MGAT4C: variants seen among roughly 807,000 people sequenced by gnomAD.
The protein encoded by MGAT4C is MGAT4 family member C, also known as alpha-1,3-mannosyl-glycoprotein 4-beta-N-acetylglucosaminyltransferase C.
A neutral mutation model predicts 40.1 loss-of-function variants in MGAT4C; 19 were observed. That is an observed-to-expected ratio of 0.47 (90% CI 0.33 to 0.70). The LOEUF (loss-of-function observed/expected upper bound fraction) is 0.70, where lower values mean the gene tolerates loss of function less well. MGAT4C is among the 30% of genes least tolerant of loss of function. The probability of loss-of-function intolerance (pLI) is 0.02; values close to 1 mark genes in which losing one functional copy is unlikely to be tolerated. For synonymous variants in MGAT4C, 181 were observed against 187.1 expected (o/e 0.97, Z 0.27); for missense variants, 491 against 563.2 (o/e 0.87, Z 1.30).
chr12:86,099,540 A>G (rs1414596533), intron 1 of MGAT4C, among the ~76,000 whole-genome samples: 1 of 151,490 alleles, frequency 6.6e-6, no homozygotes, highest in African/African-American at 2.4e-5. Context: ...AAAGTGAGCA[A>G]AGGATATAAA....
At chr12:86,543,007 C>T (rs915321196) in intron 2 of MGAT4C, among the ~76,000 whole-genome samples, 2 of 152,006 alleles carry the variant, frequency 1.3e-5, no homozygotes, top group African/African-American at 2.4e-5. Flanking sequence ...TTAATATATT[C>T]CTAAGTCTAA....
intron 2 of MGAT4C, among the ~76,000 whole-genome samples, chr12:86,726,566 C>G (rs929454033): frequency 6.6e-6 from 1 of 152,144 alleles, no homozygotes; most frequent in Non-Finnish European, 1.5e-5. Flanking sequence ...TTTTGCCATA[C>G]GTTCTAGTAA....
chr12:86,501,889 T>G (rs896088387), intron 2 of MGAT4C, among the ~76,000 whole-genome samples: 5 of 152,116 alleles, frequency 3.3e-5, no homozygotes, highest in African/African-American at 4.8e-5. Flanking sequence ...ATATTTCTAT[T>G]TCTAAATCTT....
intron 1 of MGAT4C, among the ~76,000 whole-genome samples, chr12:86,816,144 A>T (rs1374258228): frequency 6.6e-6 from 1 of 151,952 alleles, no homozygotes; most frequent in Non-Finnish European, 1.5e-5. Context: ...TTAAGATTGT[A>T]TGATGAAACA....
chr12:86,742,991 GTGTA>G (rs1951092798), intron 1 of MGAT4C, among the ~76,000 whole-genome samples: 1 of 148,100 alleles, frequency 6.8e-6, no homozygotes, highest in Non-Finnish European at 1.5e-5. Context: ...ATATGTGTGT[GTGTA>G]TGTGTGTATG....
chr12:86,290,842 TGCG>T (rs1393716147), intron 4 of MGAT4C, among the ~76,000 whole-genome samples: 1 of 152,158 alleles, frequency 6.6e-6, no homozygotes, highest in African/African-American at 2.4e-5. Flanking sequence ...AATACATTCT[TGCG>T]GTATGTTACT....
chr12:86,341,243 G>T lies in MGAT4C; in HGVS notation c.-119-7116C>A, dbSNP rs182496541. Among the ~76,000 whole-genome samples the T allele has an allele frequency of 3.6e-3, 548 of 152,214 alleles. 10 individuals are homozygous for T. In the South Asian group the frequency reaches 0.052, roughly 14 times the overall value. On this transcript the variant is annotated intron_variant, in intron 3 of 7. Coordinates refer to the MGAT4C transcript ENST00000548651. ...AGCCATAAATGAATGAGCCACCCCA[G>T]GAAACTATGCTTCTCCCACAGATAT...
At chr12:86,709,117 T>TAATTGA (rs1262363921) in intron 2 of MGAT4C, among the ~76,000 whole-genome samples, 6 of 152,120 alleles carry the variant, frequency 3.9e-5, no homozygotes, top group Non-Finnish European at 8.8e-5. Flanking sequence ...CAGTGGGAGG[T>TAATTGA]AATTGAATCA....
intron 2 of MGAT4C, among the ~76,000 whole-genome samples, chr12:86,631,467 G>A (rs1351622413): frequency 6.6e-6 from 1 of 151,818 alleles, no homozygotes. Flanking sequence ...AGCCAAAAGA[G>A]CAAAGCTGGA....
At chr12:86,212,606 T>C (rs1004375563) in intron 1 of MGAT4C, among the ~76,000 whole-genome samples, 1 of 151,278 alleles carries the variant, frequency 6.6e-6, no homozygotes, top group Non-Finnish European at 1.5e-5. Flanking sequence ...AGAACACTCA[T>C]GGCCGGGCGC....
intron 2 of MGAT4C, among the ~76,000 whole-genome samples, chr12:86,025,833 C>T (rs944842651): frequency 6.6e-5 from 10 of 151,748 alleles, no homozygotes; most frequent in Middle Eastern, 3.4e-3. Context: ...TCTGACTCCC[C>T]AGACTGTGGT....
At position 86,083,058 on chromosome 12, in the gene MGAT4C, T is replaced by A. The variant is rs540913463; in HGVS notation, c.-56-33335A>T. Reference sequence around the variant, plus strand: ...TCCTTCCCAAGCATCCTCTTACTTATGTGTCCTTTAATGGTGTCATTACCT... The same window carrying A: ...TCCTTCCCAAGCATCCTCTTACTTAAGTGTCCTTTAATGGTGTCATTACCT... On this transcript the variant is annotated intron_variant, in intron 1 of 4. Coordinates refer to ENST00000611864, the MANE Select transcript of MGAT4C (RefSeq NM_001351288.2). Among the ~76,000 whole-genome samples, 35 of 152,232 alleles carry A rather than the reference T, an allele frequency of 2.3e-4. 1 individual carries two copies. The East Asian group carries it at 6.4e-3, about 28-fold the overall frequency.
intron 2 of MGAT4C, among the ~76,000 whole-genome samples, chr12:86,038,759 T>A (rs138820027): frequency 6.7e-6 from 1 of 149,816 alleles, no homozygotes; most frequent in Non-Finnish European, 1.5e-5. Context: ...GTTATGTGAG[T>A]TTGATCCTGC....
intron 2 of MGAT4C, among the ~76,000 whole-genome samples, chr12:86,522,144 A>G (rs561064135): frequency 6.6e-6 from 1 of 152,166 alleles, no homozygotes; most frequent in Non-Finnish European, 1.5e-5. Flanking sequence ...ACTATGTTGA[A>G]TAGGAGTGGT....
At chr12:86,564,404 T>A (rs1959998073) in intron 2 of MGAT4C, among the ~76,000 whole-genome samples, 1 of 152,176 alleles carries the variant, frequency 6.6e-6, no homozygotes, top group Non-Finnish European at 1.5e-5. Flanking sequence ...ATCAACTCTC[T>A]GGCTTTGTGT....
chr12:86,760,264 A>G (rs1356619117), intron 1 of MGAT4C, among the ~76,000 whole-genome samples: 1 of 152,118 alleles, frequency 6.6e-6, no homozygotes, highest in African/African-American at 2.4e-5. Flanking sequence ...ATGCAAAAAA[A>G]TAACTCAGAA....
intron 2 of MGAT4C, among the ~76,000 whole-genome samples, chr12:86,685,727 T>G (rs2136587608): frequency 6.6e-6 from 1 of 152,348 alleles, no homozygotes; most frequent in South Asian, 2.1e-4. Context: ...TTTGTAGTTC[T>G]CCTTGAAAAG....
chr12:86,702,058 T>C (rs886366839), intron 2 of MGAT4C, among the ~76,000 whole-genome samples: 5 of 152,142 alleles, frequency 3.3e-5, no homozygotes, highest in African/African-American at 1.2e-4. Flanking sequence ...GGTCTTTCTC[T>C]TTCGCACAGG....
At chr12:86,386,178 C>A (rs1387634133) in intron 3 of MGAT4C, among the ~76,000 whole-genome samples, 4 of 152,172 alleles carry the variant, frequency 2.6e-5, no homozygotes, top group African/African-American at 9.6e-5. Context: ...GATCCACCCG[C>A]CTCGGCCTCC....
Sources: gnomAD v4.1 joint callset for allele counts (sites outside exome capture counted in the v4.1 genomes callset) on GRCh38, gnomAD v4.1.1 for gene constraint, MANE v1.5 for transcripts, NCBI Gene and HGNC (gene_info 2026-07-23, HGNC 2026-07-21) for gene names.